The following GLS variants were observed in gnomAD, a reference collection of about 807,000 sequenced individuals.
GLS encodes the protein glutaminase kidney isoform, mitochondrial.
A neutral mutation model predicts 86.7 loss-of-function variants in GLS; 36 were observed. That is an observed-to-expected ratio of 0.42 (90% CI 0.32 to 0.55). GLS has a LOEUF of 0.55. GLS is among the 20% of genes least tolerant of loss of function. The pLI, the probability that GLS is intolerant of heterozygous loss-of-function variation, is 0.17. For synonymous variants in GLS, 317 were observed against 305.9 expected (o/e 1.04, Z -0.38); for missense variants, 528 against 833.4 (o/e 0.63, Z 4.51).
chr2:190,881,121 C>T lies in GLS; in HGVS notation c.37C>T (p.Leu13=), dbSNP rs777804840. ...RLRGSGMLRD[L]LLRSPAGVSA... ...GCGAGGCTCGGGGATGCTGCGGGAC[C>T]TGCTCCTGCGGTCGCCCGCCGGCGT... The change falls in exon 1 of 18, where the codon CTG becomes TTG. Residue 13 remains leucine (L), a synonymous_variant. Transcript: ENST00000320717. 7.2e-5 allele frequency: 113 copies of T among 1,561,068 alleles called. No homozygotes were observed. The highest frequency in any genetic ancestry group is 1.2e-4 in the African/African-American group (9 of 73,474).
intron 7 of GLS, among the ~76,000 whole-genome samples, chr2:190,912,966 C>T (rs979704650): frequency 2.0e-5 from 3 of 152,046 alleles, no homozygotes; most frequent in South Asian, 2.1e-4. Context: ...CCCAAAGCCA[C>T]GGATATTTCA....
At position 190,905,133 on chromosome 2, in the gene GLS, A is replaced by G. The variant is rs1472859891; in HGVS notation, c.945A>G (p.Gly315=). Residue 315 remains glycine, a synonymous_variant, in exon 6 of 18, where the codon GGA becomes GGG. Transcript: ENST00000320717. The surrounding 1 kb of genome is among the most constrained non-coding windows in gnomAD (Gnocchi z 4.6). The part of the protein sequence containing the change: ...VHRYVGKEPS[G]LRFNKLFLNE... The stretch of plus-strand genomic sequence containing the variant: ...GATATGTTGGAAAAGAGCCGAGTGG[A>G]CTAAGATTCAACAAACTATTTTTGA... The G allele has an allele frequency of 6.2e-7, 1 of 1,604,984 alleles. No individual in the cohort carries two copies. The highest frequency in any genetic ancestry group is 2.2e-5 in the East Asian group (1 of 44,796).
chr2:190,912,709 C>A (rs1256596554), intron 7 of GLS, among the ~76,000 whole-genome samples: 1 of 152,152 alleles, frequency 6.6e-6, no homozygotes, highest in Non-Finnish European at 1.5e-5. Context: ...CTGTTCATTA[C>A]AATTCACTCT....
chr2:190,942,493 G>T (rs1690467486), intron 14 of GLS, among the ~76,000 whole-genome samples: 1 of 152,174 alleles, frequency 6.6e-6, no homozygotes, highest in South Asian at 2.1e-4. Context: ...AGATGTGTTG[G>T]TGGCTTGGAC....
chr2:190,960,845 A>T (rs1690984163), intron 17 of GLS, among the ~76,000 whole-genome samples: 1 of 152,180 alleles, frequency 6.6e-6, no homozygotes, highest in African/African-American at 2.4e-5. Flanking sequence ...ACTATGATTA[A>T]AAACTCCTTT....
intron 12 of GLS, among the ~76,000 whole-genome samples, chr2:190,929,047 G>A (rs756538902): frequency 8.6e-5 from 13 of 150,960 alleles, no homozygotes; most frequent in Non-Finnish European, 1.6e-4. Flanking sequence ...GTGCAGTGGC[G>A]TGATCTCGGC....
chr2:190,888,348 TTGATA>T (rs1288290515), intron 1 of GLS, among the ~76,000 whole-genome samples: 1 of 152,228 alleles, frequency 6.6e-6, no homozygotes, highest in African/African-American at 2.4e-5. Context: ...AAAACTATGC[TTGATA>T]TATCTCCCTA....
At chr2:190,933,890 T>TA in intron 14 of GLS, 1 of 911,166 alleles carries the variant, frequency 1.1e-6, no homozygotes, top group East Asian at 1.2e-4. Flanking sequence ...AGTATGCTAC[T>TA]AAAATACGTT....
rs976879554 is a variant in GLS at position 190,881,262 on chromosome 2, G to T, written c.178G>T (p.Gly60Trp). The T allele has an allele frequency of 2.0e-5, 26 of 1,289,044 alleles. No homozygotes were observed. The highest frequency in any genetic ancestry group is 2.2e-5 in the Non-Finnish European group (22 of 1,018,324). The allele number at this position is 1,289,044 out of a possible 1,614,324, so 79.9% of individuals were successfully genotyped here. ...CGCGCGACTCCACCCGTGGTGGGGCGGGGGCGGCTGGCCGGCGGAGCCCCT... is the reference window on the plus strand; with the variant it reads ...CGCGCGACTCCACCCGTGGTGGGGCTGGGGCGGCTGGCCGGCGGAGCCCCT... ...AAARLHPWWG[G>W]GGWPAEPLAR... Residue 60 changes from glycine (G) to tryptophan (W), a missense_variant, in exon 1 of 18, where the codon GGG becomes TGG. By Grantham distance (184) the Gly-to-Trp change is radical. This residue lies in a region of GLS where 224 missense variants were observed against 187.9 expected (regional missense o/e 1.19). Transcript: ENST00000320717.
At chr2:190,894,467 G>A (rs114516252) in intron 1 of GLS, among the ~76,000 whole-genome samples, 84 of 152,204 alleles carry the variant, frequency 5.5e-4, no homozygotes, top group African/African-American at 2.0e-3. Flanking sequence ...ACTACTGTCA[G>A]TGGAGTCTTA....
In GLS at chr2:190,960,457, C is replaced by A. The variant is rs80106285; in HGVS notation, c.1854-2373C>A. Among the ~76,000 whole-genome samples, 862 of 151,104 alleles carry A rather than the reference C, an allele frequency of 5.7e-3. 21 individuals are homozygous for A. The highest frequency in any genetic ancestry group is 0.053 in the East Asian group (274 of 5,158). ...ATAGTTCACTGCAGCCTTAACTTCC[C>A]AGGCTCAAGCGATCCTCCCACCTCA... On this transcript the variant is annotated intron_variant, in intron 17 of 17. Coordinates refer to ENST00000320717, the MANE Select transcript of GLS (RefSeq NM_014905.5).
At chr2:190,946,768 T>C (rs758007502) in intron 14 of GLS, among the ~76,000 whole-genome samples, 2 of 152,182 alleles carry the variant, frequency 1.3e-5, no homozygotes, top group Non-Finnish European at 2.9e-5. Flanking sequence ...AGAACTTTTA[T>C]GGATTAGAGC....
chr2:190,942,255 A>T (rs1431343864), intron 14 of GLS, among the ~76,000 whole-genome samples: 2 of 150,020 alleles, frequency 1.3e-5, no homozygotes, highest in Non-Finnish European at 1.5e-5. Flanking sequence ...AATTTTTTGT[A>T]TTTTTTAGTA....
intron 1 of GLS, among the ~76,000 whole-genome samples, chr2:190,884,329 A>G (rs908344450): frequency 7.2e-5 from 11 of 152,206 alleles, no homozygotes; most frequent in Non-Finnish European, 1.2e-4. Context: ...CACATATTCA[A>G]TGACTTCAAA....
chr2:190,895,821 C>G lies in GLS; in HGVS notation c.605+96C>G, dbSNP rs1688713636. On this transcript the variant is annotated intron_variant, in intron 3 of 17. Transcript: ENST00000320717. The surrounding 1 kb of genome is among the most constrained non-coding windows in gnomAD (Gnocchi z 4.2). ...TTGCATCTTTGAAGGCCACTGCTTC[C>G]TGTGTAATGGAAAAAGGGGATTTAT... The G allele has an allele frequency of 2.3e-6, 2 of 866,856 alleles. No homozygotes were observed. The highest frequency in any genetic ancestry group is 3.3e-5 in the African/African-American group (2 of 59,830). 53.7% of individuals were successfully genotyped at this position (866,856 alleles called of 1,614,324 possible).
intron 14 of GLS, among the ~76,000 whole-genome samples, chr2:190,940,044 T>C (rs1161703199): frequency 6.6e-6 from 1 of 151,870 alleles, no homozygotes; most frequent in Non-Finnish European, 1.5e-5. Flanking sequence ...CCAAATCTTT[T>C]GATGTTGACA....
chr2:190,923,619 G>A (rs1689813568), intron 9 of GLS, among the ~76,000 whole-genome samples: 1 of 152,156 alleles, frequency 6.6e-6, no homozygotes, highest in Non-Finnish European at 1.5e-5. Flanking sequence ...TATTTTAATG[G>A]TAGAAGATTT....
intron 14 of GLS, among the ~76,000 whole-genome samples, chr2:190,944,407 T>C (rs1487583680): frequency 6.6e-6 from 1 of 152,182 alleles, no homozygotes; most frequent in East Asian, 1.9e-4. Flanking sequence ...AAAACTTGTT[T>C]GTATAATAGT....
chr2:190,893,889 A>C (rs1243050987), intron 1 of GLS, among the ~76,000 whole-genome samples: 1 of 152,142 alleles, frequency 6.6e-6, no homozygotes, highest in Non-Finnish European at 1.5e-5. Context: ...CCAGCTTCAA[A>C]TGCATTTTTA....
Sources: gnomAD v4.1 joint callset for allele counts (sites outside exome capture counted in the v4.1 genomes callset) on GRCh38, gnomAD v4.1.1 for gene constraint, gnomAD v4.1.1 regional missense constraint, Gnocchi (gnomAD v3.1) non-coding constraint, MANE v1.5 for transcripts, NCBI Gene and HGNC (gene_info 2026-07-23, HGNC 2026-07-21) for gene names.